Variants in TACR1 observed in about 807,000 individuals in gnomAD.
TACR1 encodes tachykinin receptor 1, also known as substance-P receptor.
In TACR1, 25 loss-of-function variants were observed where a neutral mutation model predicts 35.8. The ratio of observed to expected loss-of-function variants is 0.70; its 90% CI spans 0.51 to 0.98. TACR1 has a LOEUF of 0.98. TACR1 is among the 50% of genes least tolerant of loss of function. TACR1 has a pLI of 0.00. For synonymous variants in TACR1, 195 were observed against 206.7 expected, an observed-to-expected ratio of 0.94 and a Z score of 0.48; for missense variants, 478 against 522.9, an observed-to-expected ratio of 0.91 and a Z score of 0.84.
chr2:75,188,416 T>C (rs1675759298), intron 1 of TACR1: 1 of 152,236 alleles, frequency 6.6e-6, no homozygotes, highest in Admixed American at 6.5e-5. Flanking sequence ...TTATATTCTA[T>C]GATAGAGAGA....
At chr2:75,059,291 AT>A (rs954414617) in intron 2 of TACR1, among the ~76,000 whole-genome samples, 2 of 152,202 alleles carry the variant, frequency 1.3e-5, no homozygotes, top group African/African-American at 4.8e-5. Flanking sequence ...TTGGAAGCCT[AT>A]TACAGATGCA....
intron 2 of TACR1, among the ~76,000 whole-genome samples, chr2:75,088,229 A>G (rs1219979757): frequency 6.6e-6 from 1 of 152,184 alleles, no homozygotes; most frequent in Non-Finnish European, 1.5e-5. Flanking sequence ...CACATTGGCT[A>G]GCCCTGGCTC....
chr2:75,137,744 A>G (rs1558565616), intron 1 of TACR1, among the ~76,000 whole-genome samples: 1 of 150,986 alleles, frequency 6.6e-6, no homozygotes, highest in African/African-American at 2.4e-5. Context: ...AAAAAAAAAA[A>G]AAAAAAAAAA....
At chr2:75,095,852 G>A (rs1038997130) in intron 2 of TACR1, among the ~76,000 whole-genome samples, 2 of 152,096 alleles carry the variant, frequency 1.3e-5, no homozygotes, top group African/African-American at 4.8e-5. Context: ...TGCTCCAGGT[G>A]GTACAGCTAC....
In TACR1 at chr2:75,049,502, T is replaced by C. The variant is rs1463284392; in HGVS notation, c.1154A>G (p.Asn385Ser). ...ATPSSLDLTS[N>S]CSSRSDSKTM... ...CTTGGAGTCACTTCGTGAAGAGCAGTTGGAGGTCAGGTCCAGGGACGAGGG... is the reference window on the plus strand; with the variant it reads ...CTTGGAGTCACTTCGTGAAGAGCAGCTGGAGGTCAGGTCCAGGGACGAGGG... Residue 385 changes from asparagine to serine, a missense_variant, in exon 5 of 5, where the codon AAC (asparagine) becomes AGC (serine). Asn to Ser is a conservative substitution (Grantham distance 46). Coordinates refer to ENST00000305249, the MANE Select transcript of TACR1 (RefSeq NM_001058.4). 3 of 1,614,180 alleles carry C rather than the reference T, an allele frequency of 1.9e-6. No individual in the cohort carries two copies. Among genetic ancestry groups the C allele is most frequent in the South Asian group, 2.2e-5 (2 of 91,086 alleles).
chr2:75,166,254 C>T (rs1172942541), intron 1 of TACR1, among the ~76,000 whole-genome samples: 1 of 152,160 alleles, frequency 6.6e-6, no homozygotes, highest in African/African-American at 2.4e-5. Context: ...ATTCAACATC[C>T]ATTTTTGATA....
At position 75,101,598 on chromosome 2, in the gene TACR1, C is replaced by T. The variant is rs985758583; in HGVS notation, c.584+18976G>A. 3.3e-5 allele frequency among the ~76,000 whole-genome samples: 5 copies of T among 152,084 alleles called. 1 individual carries two copies. In the South Asian group the frequency reaches 8.3e-4, roughly 25 times the overall value. ...AGCTCTTGACTCACATTGGGCAAAT[C>T]GTCATCATGATTCTGGAACTGCACC... On this transcript the variant is annotated intron_variant, in intron 2 of 4. Coordinates refer to ENST00000305249, the MANE Select transcript of TACR1 (RefSeq NM_001058.4).
rs936618091 is a variant in TACR1 at position 75,057,782 on chromosome 2, A to G, written c.585-4027T>C. Among the ~76,000 whole-genome samples the G allele has an allele frequency of 6.6e-5, 10 of 152,308 alleles. No homozygotes were observed. The East Asian group carries it at 7.7e-4, about 12-fold the overall frequency. ...GGTAGAAAATTTCAGCTGTTACAGA[A>G]AGGTCGAAATGAAGTATCTCTGGAA... is the stretch of plus-strand genomic sequence containing the variant. On this transcript the variant is annotated intron_variant, in intron 2 of 4. Coordinates refer to ENST00000305249, the MANE Select transcript of TACR1 (RefSeq NM_001058.4).
intron 2 of TACR1, among the ~76,000 whole-genome samples, chr2:75,099,636 G>A (rs978260653): frequency 2.6e-5 from 4 of 152,138 alleles, no homozygotes; most frequent in Non-Finnish European, 4.4e-5. Context: ...AGAGGTTTGC[G>A]CGGCCAGGTT....
chr2:75,083,603 G>A (rs1014684912), intron 2 of TACR1, among the ~76,000 whole-genome samples: 3 of 152,040 alleles, frequency 2.0e-5, no homozygotes, highest in Non-Finnish European at 4.4e-5. Flanking sequence ...TTATTTCCTT[G>A]AGCAGTGGTT....
At chr2:75,078,828 T>C (rs937607821) in intron 2 of TACR1, among the ~76,000 whole-genome samples, 2 of 152,238 alleles carry the variant, frequency 1.3e-5, no homozygotes, top group Non-Finnish European at 2.9e-5. Context: ...AGCACCATGA[T>C]CCATCTTTTG....
chr2:75,124,654 C>G (rs1186905509), intron 1 of TACR1, among the ~76,000 whole-genome samples: 3 of 152,184 alleles, frequency 2.0e-5, no homozygotes, highest in Non-Finnish European at 4.4e-5. Context: ...AATTATCAAA[C>G]TCTATCTTTG....
chr2:75,057,926 T>G (rs538356478), intron 2 of TACR1, among the ~76,000 whole-genome samples: 1 of 152,330 alleles, frequency 6.6e-6, no homozygotes, highest in South Asian at 2.1e-4. Context: ...AGTAATAAAT[T>G]ATGTAAGAAA....
intron 2 of TACR1, among the ~76,000 whole-genome samples, chr2:75,067,632 G>A (rs1229984878): frequency 6.6e-6 from 1 of 152,206 alleles, no homozygotes; most frequent in African/African-American, 2.4e-5. Context: ...TACCAGGGGT[G>A]TCCACACAAA....
chr2:75,068,242 G>A (rs542416572), intron 2 of TACR1, among the ~76,000 whole-genome samples: 4 of 152,300 alleles, frequency 2.6e-5, no homozygotes, highest in Admixed American at 2.0e-4. Context: ...TGGTCTTGAG[G>A]CAGAATTCCT....
chr2:75,164,126 G>T (rs1191620989), intron 1 of TACR1, among the ~76,000 whole-genome samples: 1 of 152,080 alleles, frequency 6.6e-6, no homozygotes, highest in South Asian at 2.1e-4. Flanking sequence ...AGGAGATCAA[G>T]ACCATCCTGC....
rs943601821 is a variant in TACR1 at position 75,139,644 on chromosome 2, T to C, written c.390-18876A>G. ...TATAGGAAGTAGAATATGTCAGAGC[T>C]TTATTTTCCCAACATATAAACATGT... is the stretch of plus-strand genomic sequence containing the variant. On this transcript the variant is annotated intron_variant, in intron 1 of 4. Coordinates refer to ENST00000305249, the MANE Select transcript of TACR1 (RefSeq NM_001058.4). 5.0e-4 allele frequency among the ~76,000 whole-genome samples: 76 copies of C among 152,216 alleles called. 2 individuals are homozygous for C. Among genetic ancestry groups the C allele is most frequent in the Non-Finnish European group, 9.7e-4 (66 of 68,030 alleles).
At chr2:75,123,243 C>G (rs1011084483) in intron 1 of TACR1, among the ~76,000 whole-genome samples, 1 of 152,210 alleles carries the variant, frequency 6.6e-6, no homozygotes, top group Non-Finnish European at 1.5e-5. Context: ...TCAGGCTTCA[C>G]AGGAACTTGA....
chr2:75,142,746 C>T (rs1029767830), intron 1 of TACR1, among the ~76,000 whole-genome samples: 1 of 152,112 alleles, frequency 6.6e-6, no homozygotes, highest in Non-Finnish European at 1.5e-5. Flanking sequence ...GCAATCAAAT[C>T]AGAGGGTGTG....
Sources: allele counts gnomAD v4.1 joint callset (sites outside exome capture counted in the v4.1 genomes callset), GRCh38; gene constraint gnomAD v4.1.1; transcripts MANE v1.5; gene names NCBI Gene and HGNC (gene_info 2026-07-23, HGNC 2026-07-21).